The following KIFC3 variants were observed in gnomAD, a reference collection of about 807,000 sequenced individuals.
KIFC3 encodes kinesin-like protein KIFC3.
Under a neutral mutation model 101.8 loss-of-function variants are expected in KIFC3, and 60 were observed. The observed-to-expected ratio is 0.59, with a 90% CI of 0.48 to 0.73. The LOEUF (loss-of-function observed/expected upper bound fraction) is 0.73. KIFC3 is among the 30% of genes least tolerant of loss of function. KIFC3 has a pLI of 0.00. For synonymous variants in KIFC3, 476 were observed against 482.7 expected (o/e 0.99, Z 0.18); for missense variants, 966 against 1,137.1 (o/e 0.85, Z 2.16).
chr16:57,784,496 A>G (rs1344680968), intron 3 of KIFC3, among the ~76,000 whole-genome samples: 1 of 152,224 alleles, frequency 6.6e-6, no homozygotes, highest in Non-Finnish European at 1.5e-5. Context: ...AACTGAGAGA[A>G]CAAGTCACAG....
At chr16:57,767,803 G>A (rs534610769) in intron 9 of KIFC3, among the ~76,000 whole-genome samples, 2 of 152,214 alleles carry the variant, frequency 1.3e-5, no homozygotes, top group African/African-American at 4.8e-5. Context: ...CTCCCGAGTA[G>A]CTGGGACTAC....
Position 57,847,182 on chromosome 16 carries a change from TGAAGGAAGGAGGGAAGGAAG to T in KIFC3, c.108+15527_108+15546del, listed in dbSNP as rs1452344827. Among the ~76,000 whole-genome samples the T allele has an allele frequency of 2.1e-3, 280 of 130,642 alleles. 2 individuals carry two copies. Among genetic ancestry groups the T allele is most frequent in the African/African-American group, 2.8e-3 (94 of 33,712 alleles). 85.7% of individuals were successfully genotyped at this position (130,642 alleles called of 152,430 possible). A position where few individuals can be genotyped will look rare whatever the true frequency, so the allele number is the denominator to read the frequency against. ...CTGAGGTGACAGAGCAATGAATCTG[TGAAGGAAGGAGGGAAGGAAG>T]GAAGGAAGGAAGGAAGGAAGGAAGG... is the stretch of plus-strand genomic sequence containing the variant. On this transcript the variant is annotated intron_variant, in intron 1 of 2. Coordinates refer to the KIFC3 transcript ENST00000563028.
rs370757561 is a variant in KIFC3, at chr16:57,827,141, G to T, written c.109-28859C>A. On this transcript the variant is annotated intron_variant, in intron 1 of 2. Transcript: ENST00000563028. ...CCCCGTCATCTCTCATTCAGGGTCC[G>T]CATCAGACTAAAGCGATCCCACAAG... Among the ~76,000 whole-genome samples, 12 of 152,344 alleles carry T rather than the reference G, an allele frequency of 7.9e-5. No individual in the cohort carries two copies. In the East Asian group the frequency reaches 1.3e-3, roughly 17 times the overall value.
intron 3 of KIFC3, among the ~76,000 whole-genome samples, chr16:57,778,998 C>A (rs1475219899): frequency 2.6e-5 from 4 of 152,114 alleles, no homozygotes; most frequent in African/African-American, 9.7e-5. Flanking sequence ...TAAAATGGTG[C>A]GGCCACTATG....
upstream of KIFC3, among the ~76,000 whole-genome samples, chr16:57,805,110 C>T (rs1555626672): frequency 6.6e-6 from 1 of 152,028 alleles, no homozygotes; most frequent in African/African-American, 2.4e-5. Context: ...GGATTGCAGG[C>T]ATGAGCCACC....
Position 57,770,683 on chromosome 16 carries a change from C to A in KIFC3, c.783G>T (p.Val261=). Residue 261 remains valine (V), a synonymous_variant, in exon 7 of 20, where the codon GTG becomes GTT. Transcript: ENST00000445690. ...GCTTGGTCTTGGACGACTCCACCTCCACTGTCTTGATGACATACTGCAGGG... is the reference window on the plus strand; with the variant it reads ...GCTTGGTCTTGGACGACTCCACCTCAACTGTCTTGATGACATACTGCAGGG... ...SPPVKYVIKT[V]EVESSKTKQA... is the part of the protein sequence containing the mutation. 1 of 1,529,094 alleles carries A rather than the reference C, an allele frequency of 6.5e-7. No individual in the cohort carries two copies. The highest frequency in any genetic ancestry group is 2.2e-5 in the Admixed American group (1 of 45,958). The allele number at this position is 1,529,094 out of a possible 1,614,324, so 94.7% of individuals were successfully genotyped here. A position where few individuals can be genotyped will look rare whatever the true frequency, so the allele number is the denominator to read the frequency against.
chr16:57,813,290 T>C (rs1283177547), intron 1 of KIFC3, among the ~76,000 whole-genome samples: 12 of 152,084 alleles, frequency 7.9e-5, no homozygotes, highest in Non-Finnish European at 1.5e-4. Flanking sequence ...ATTGCGCCAC[T>C]GCACTCCAGC....
intron 3 of KIFC3, among the ~76,000 whole-genome samples, chr16:57,794,237 C>CT (rs782736400): frequency 0.11 from 16,030 of 143,710 alleles, 992 homozygotes; most frequent in Middle Eastern, 0.2. Flanking sequence ...TTTTTCTTTT[C>CT]TTTTTTTTTT....
chr16:57,815,982 C>G (rs2055213462), intron 1 of KIFC3, among the ~76,000 whole-genome samples: 3 of 152,216 alleles, frequency 2.0e-5, no homozygotes, highest in South Asian at 2.1e-4. Flanking sequence ...CTTTTACATT[C>G]TTGAACTTCA....
intron 6 of KIFC3, 133 bp from the exon 7 acceptor site, chr16:57,770,833 G>T: frequency 1.3e-6 from 1 of 787,006 alleles, no homozygotes; most frequent in Non-Finnish European, 1.9e-6. Context: ...AACTAGAGGA[G>T]CCTTGAGGTC....
chr16:57,842,567 A>G (rs1365991740), intron 1 of KIFC3, among the ~76,000 whole-genome samples: 1 of 152,210 alleles, frequency 6.6e-6, no homozygotes, highest in African/African-American at 2.4e-5. Flanking sequence ...CAATAATTCA[A>G]TTTCGTAATT....
intron 1 of KIFC3, among the ~76,000 whole-genome samples, chr16:57,826,921 C>T (rs1027345531): frequency 6.6e-6 from 1 of 152,206 alleles, no homozygotes; most frequent in African/African-American, 2.4e-5. Context: ...CTGCTCCACA[C>T]GGTGCTGCGC....
At chr16:57,777,724 TA>T (rs1199550317) in intron 3 of KIFC3, among the ~76,000 whole-genome samples, 2 of 126,942 alleles carry the variant, frequency 1.6e-5, no homozygotes, top group East Asian at 2.4e-4. Context: ...CCATCTCAAA[TA>T]AAAAAAAAAT....
At chr16:57,771,090 C>A in intron 6 of KIFC3, 108 bp downstream of exon 6, 1 of 1,370,216 alleles carries the variant, frequency 7.3e-7, no homozygotes, top group Non-Finnish European at 1.0e-6. Flanking sequence ...ATTCTTCCAC[C>A]CACACACACC....
chr16:57,813,804 G>T, intron 1 of KIFC3: 16 of 985,354 alleles, frequency 1.6e-5, no homozygotes, highest in Non-Finnish European at 1.9e-5. Flanking sequence ...GAGACTCAAG[G>T]CATCTCCAGA....
intron 1 of KIFC3, among the ~76,000 whole-genome samples, chr16:57,843,531 A>G (rs2055853927): frequency 6.6e-6 from 1 of 152,116 alleles, no homozygotes; most frequent in South Asian, 2.1e-4. Context: ...ACTCATCATT[A>G]GAAAAATGGG....
At chr16:57,759,254 GGCC>G in intron 18 of KIFC3, 101 bp from the exon 19 acceptor site, 5 of 1,387,618 alleles carry the variant, frequency 3.6e-6, no homozygotes, top group Non-Finnish European at 5.0e-6. Context: ...GGATGGGCCA[GGCC>G]CTCCCATGAT....
chr16:57,795,767 G>A (rs1197993644), intron 2 of KIFC3, among the ~76,000 whole-genome samples: 1 of 152,070 alleles, frequency 6.6e-6, no homozygotes, highest in Admixed American at 6.5e-5. Flanking sequence ...CCAGCCTCAC[G>A]AGTCATGAGG....
chr16:57,792,050 C>G (rs932453108), intron 3 of KIFC3, among the ~76,000 whole-genome samples: 2 of 152,228 alleles, frequency 1.3e-5, no homozygotes, highest in African/African-American at 2.4e-5. Flanking sequence ...AGGAAGGACA[C>G]GTCCCCTTGA....
Sources: allele counts gnomAD v4.1 joint callset (sites outside exome capture counted in the v4.1 genomes callset), GRCh38; gene constraint gnomAD v4.1.1; transcripts MANE v1.5; gene names NCBI Gene and HGNC (gene_info 2026-07-23, HGNC 2026-07-21).